Variants in XIRP2 observed in about 807,000 individuals in gnomAD.
The protein encoded by XIRP2 is xin actin-binding repeat-containing protein 2.
Under a neutral mutation model 277.0 loss-of-function variants are expected in XIRP2, and 236 were observed. That is an observed-to-expected ratio of 0.85 (90% CI 0.77 to 0.95). XIRP2 has a LOEUF of 0.95. Ranked by LOEUF, XIRP2 falls within the 40% of genes least tolerant of loss-of-function variation. The pLI is 0.00. For synonymous variants in XIRP2, 1,490 were observed against 1,416.5 expected, an observed-to-expected ratio of 1.05 and a Z score of -1.17; for missense variants, 4,640 against 4,157.5, an observed-to-expected ratio of 1.12 and a Z score of -3.19.
At chr2:167,200,431 A>C (rs960769925) in intron 3 of XIRP2, among the ~76,000 whole-genome samples, 1 of 152,110 alleles carries the variant, frequency 6.6e-6, no homozygotes, top group African/African-American at 2.4e-5. Context: ...AACATGAGGA[A>C]CCATTAAGGG....
At chr2:167,015,276 A>G (rs1449276850) in intron 2 of XIRP2, among the ~76,000 whole-genome samples, 2 of 151,902 alleles carry the variant, frequency 1.3e-5, no homozygotes, top group Non-Finnish European at 2.9e-5. Flanking sequence ...ACTGCTAGTC[A>G]ACATAAACCA....
intron 2 of XIRP2, among the ~76,000 whole-genome samples, chr2:167,046,732 A>G (rs1258598238): frequency 2.6e-5 from 4 of 151,968 alleles, no homozygotes; most frequent in South Asian, 2.1e-4. Flanking sequence ...TGGAGTACAC[A>G]TGGACACAAA....
intron 2 of XIRP2, among the ~76,000 whole-genome samples, chr2:166,933,961 T>TAA (rs949433893): frequency 3.3e-5 from 5 of 150,588 alleles, no homozygotes; most frequent in Non-Finnish European, 5.9e-5. Context: ...GGACACACGT[T>TAA]AAAAAAAAAT....
intron 2 of XIRP2, among the ~76,000 whole-genome samples, chr2:167,088,522 T>C (rs952559037): frequency 2.0e-5 from 3 of 152,152 alleles, no homozygotes; most frequent in African/African-American, 7.2e-5. Flanking sequence ...AAAATGCCAA[T>C]ATGAACATAT....
intron 1 of XIRP2, among the ~76,000 whole-genome samples, chr2:166,893,173 A>T (rs751848434): frequency 2.4e-4 from 37 of 151,996 alleles, no homozygotes; most frequent in Admixed American, 1.6e-3. Flanking sequence ...GAATTTGATG[A>T]TATAAATATT....
intron 2 of XIRP2, among the ~76,000 whole-genome samples, chr2:167,018,797 A>C (rs528530523): frequency 6.6e-6 from 1 of 151,990 alleles, no homozygotes; most frequent in Non-Finnish European, 1.5e-5. Context: ...CTTAGTGTGC[A>C]TTTCCACTGA....
chr2:166,952,802 CAAATG>C (rs377459596), intron 2 of XIRP2, among the ~76,000 whole-genome samples: 47 of 151,812 alleles, frequency 3.1e-4, no homozygotes, highest in African/African-American at 9.7e-4. Context: ...AGTGTTTCAA[CAAATG>C]AAATAAAGAA....
chr2:167,241,899 A>T lies in XIRP2; in HGVS notation c.1165A>T (p.Lys389Ter). 1 of 1,612,738 alleles carries T rather than the reference A, an allele frequency of 6.2e-7. No individual in the cohort carries two copies. Among genetic ancestry groups the T allele is most frequent in the Non-Finnish European group, 8.5e-7 (1 of 1,179,442 alleles). ...TGACAAAGAGATGACAACCCCAGCC[A>T]AGCAGATTAAGGTAAAGTCATTTCT... ...YSDKEMTTPA[K>*]QIKTESEYEE... Residue 389 changes from lysine to a stop codon, truncating the protein, a stop_gained, in exon 8 of 11, where the codon AAG becomes TAG. Transcript: ENST00000409195. LOFTEE classifies it high-confidence loss of function.
At chr2:167,015,859 G>T (rs889622007) in intron 2 of XIRP2, among the ~76,000 whole-genome samples, 2 of 151,288 alleles carry the variant, frequency 1.3e-5, no homozygotes, top group African/African-American at 4.9e-5. Context: ...AGGTAATCAG[G>T]ACCACTCCTA....
rs1693681864 is a variant in XIRP2 at position 167,201,194 on chromosome 2, GAAAGAAAGAAAGAAAGAAAGAA to G, written c.563-9539_563-9518del. Among the ~76,000 whole-genome samples, 24 of 15,612 alleles carry G rather than the reference GAAAGAAAGAAAGAAAGAAAGAA, an allele frequency of 1.5e-3. 1 individual carries two copies. Among genetic ancestry groups the G allele is most frequent in the South Asian group, 0.014 (4 of 280 alleles). The allele number at this position is 15,612 out of a possible 152,430, so 10.2% of individuals were successfully genotyped here. On this transcript the variant is annotated intron_variant, in intron 3 of 10. Transcript: ENST00000409195. ...AGAGAAAGAAAGAGAGAGAGAGAAA[GAAAGAAAGAAAGAAAGAAAGAA>G]AGAAAGAAAGAAAGAAAGAAAGAAA...
rs1019098352 is a variant in XIRP2 at position 167,148,240 on chromosome 2, G to T, written c.562+12178G>T. Among the ~76,000 whole-genome samples the T allele has an allele frequency of 1.3e-5, 2 of 151,614 alleles. 1 individual carries two copies. Among genetic ancestry groups the T allele is most frequent in the Non-Finnish European group, 2.9e-5 (2 of 67,942 alleles). Reference sequence around the variant, plus strand: ...CTAATAAAAATATAAATATTTGCTGGGTGTGGTGGCATGCACCTGTAATCC... The same window carrying T: ...CTAATAAAAATATAAATATTTGCTGTGTGTGGTGGCATGCACCTGTAATCC... On this transcript the variant is annotated intron_variant, in intron 3 of 10. Coordinates refer to ENST00000409195, the MANE Select transcript of XIRP2 (RefSeq NM_152381.6).
chr2:166,943,493 C>A (rs1226644799), intron 2 of XIRP2, among the ~76,000 whole-genome samples: 1 of 152,208 alleles, frequency 6.6e-6, no homozygotes, highest in African/African-American at 2.4e-5. Flanking sequence ...AGGTTTTGTT[C>A]ATCATATCAC....
chr2:167,129,592 G>A (rs899049833), intron 2 of XIRP2, among the ~76,000 whole-genome samples: 2 of 152,050 alleles, frequency 1.3e-5, no homozygotes, highest in African/African-American at 2.4e-5. Flanking sequence ...ATATATATAA[G>A]TAAGAAAGAA....
Position 167,251,743 on chromosome 2 carries a change from T to G in XIRP2, c.10351T>G (p.Phe3451Val), listed in dbSNP as rs746337360. ...AGAAGCTGGCAAATCTGGCTGTGAC[T>G]TCAAGCATGCCCCACCAACCTATGA... ...SSEAGKSGCD[F>V]KHAPPTYEDV... Residue 3451 changes from phenylalanine (F) to valine (V), a missense_variant, in exon 9 of 11, where the codon TTC becomes GTC. By Grantham distance (50) the Phe-to-Val change is conservative. Transcript: ENST00000409195. 2.5e-6 allele frequency: 4 copies of G among 1,613,396 alleles called. No homozygotes were observed. The South Asian group carries it at 3.3e-5, about 13-fold the overall frequency.
intron 4 of XIRP2, among the ~76,000 whole-genome samples, chr2:167,211,402 A>G (rs1217889935): frequency 6.6e-6 from 1 of 152,074 alleles, no homozygotes; most frequent in Non-Finnish European, 1.5e-5. Context: ...GCCCTGAACT[A>G]CTATCTTAAC....
intron 2 of XIRP2, among the ~76,000 whole-genome samples, chr2:166,910,811 T>G (rs944971267): frequency 9.2e-5 from 14 of 152,356 alleles, no homozygotes; most frequent in African/African-American, 3.4e-4. Flanking sequence ...TGGTATGTTG[T>G]GTCTTTGTTC....
intron 2 of XIRP2, among the ~76,000 whole-genome samples, chr2:167,033,670 T>C (rs1688426738): frequency 1.3e-5 from 2 of 151,806 alleles, no homozygotes; most frequent in East Asian, 1.9e-4. Flanking sequence ...GGAGCTCCAA[T>C]ACATCTGGCA....
intron 2 of XIRP2, among the ~76,000 whole-genome samples, chr2:167,033,635 C>T (rs572590727): frequency 6.6e-6 from 1 of 151,804 alleles, no homozygotes; most frequent in African/African-American, 2.4e-5. Flanking sequence ...GAAAACAAAA[C>T]AAAACAAAAC....
intron 1 of XIRP2, among the ~76,000 whole-genome samples, chr2:166,899,177 T>C (rs1684315669): frequency 6.6e-6 from 1 of 152,122 alleles, no homozygotes; most frequent in Admixed American, 6.6e-5. Context: ...TCAAGTATGA[T>C]GGATTTTTAT....
Sources: allele counts gnomAD v4.1 joint callset (sites outside exome capture counted in the v4.1 genomes callset), GRCh38; gene constraint gnomAD v4.1.1; transcripts MANE v1.5; gene names NCBI Gene and HGNC (gene_info 2026-07-23, HGNC 2026-07-21).